The following CACNA1B variants were observed in gnomAD, a reference collection of about 807,000 sequenced individuals.
CACNA1B encodes the protein calcium voltage-gated channel subunit alpha1 B, also known as voltage-dependent N-type calcium channel subunit alpha-1B.
CACNA1B carries 70 observed loss-of-function variants against 247.2 expected under a neutral mutation model. The ratio of observed to expected loss-of-function variants is 0.28; its 90% CI spans 0.23 to 0.35. CACNA1B has a LOEUF of 0.35. CACNA1B is among the 10% of genes least tolerant of loss of function. The pLI is 1.00. For synonymous variants in CACNA1B, 1,231 were observed against 1,294.4 expected (o/e 0.95, Z 1.05); for missense variants, 2,367 against 3,197.4 (o/e 0.74, Z 6.26).
chr9:137,966,624 T>C (rs1958079796), intron 10 of CACNA1B, among the ~76,000 whole-genome samples: 2 of 151,924 alleles, frequency 1.3e-5, no homozygotes, highest in Admixed American at 1.3e-4. Context: ...CTGCAACCTC[T>C]GCCTCCTGGG....
At chr9:137,931,483 C>T (rs1041201883) in intron 6 of CACNA1B, among the ~76,000 whole-genome samples, 8 of 151,988 alleles carry the variant, frequency 5.3e-5, no homozygotes, top group African/African-American at 1.9e-4. Flanking sequence ...GTGGAGTTTT[C>T]CTTTTGATTT....
chr9:137,957,516 G>A lies in CACNA1B; in HGVS notation c.1244-82G>A. 1 of 996,658 alleles carries A rather than the reference G, an allele frequency of 1.0e-6. No individual in the cohort carries two copies. The highest frequency in any genetic ancestry group is 1.5e-6 in the Non-Finnish European group (1 of 686,178). 61.7% of individuals were successfully genotyped at this position (996,658 alleles called of 1,614,324 possible). On this transcript the variant is annotated intron_variant, in intron 9 of 46. Coordinates refer to ENST00000371372, the MANE Select transcript of CACNA1B (RefSeq NM_000718.4). The surrounding 1 kb of genome is among the most constrained non-coding windows in gnomAD (Gnocchi z 4.7). ...CAGGAGAGGTCACTGGTCCCAGGGG[G>A]AGGGTGATCCCATGCCCCGCTGAGG...
At chr9:138,120,575 G>A (rs961061972) in intron 45 of CACNA1B, 56 bp from the exon 46 acceptor site, 11 of 1,460,962 alleles carry the variant, frequency 7.5e-6, no homozygotes, top group African/African-American at 5.7e-5. Context: ...GGGCCCGGGG[G>A]TCAGGGGTCC....
chr9:138,053,769 C>T, intron 25 of CACNA1B, 77 bp from the exon 26 acceptor site: 1 of 1,158,374 alleles, frequency 8.6e-7, no homozygotes, highest in Admixed American at 1.8e-5. Context: ...CCCCGTGACC[C>T]TACCCTTCCC....
intron 6 of CACNA1B, among the ~76,000 whole-genome samples, chr9:137,934,902 A>G (rs1043331169): frequency 5.9e-5 from 9 of 152,192 alleles, no homozygotes; most frequent in Admixed American, 2.0e-4. Flanking sequence ...CAACTCTGAC[A>G]ATATGACAAA....
Position 137,899,843 on chromosome 9 carries a change from C to T in CACNA1B, c.531-13337C>T, listed in dbSNP as rs777637166. On this transcript the variant is annotated intron_variant, in intron 3 of 46. Transcript: ENST00000371372. The surrounding 1 kb of genome is among the most constrained non-coding windows in gnomAD (Gnocchi z 5.0). ...CCACCTGCCCCGGCCCAGGGACCCC[C>T]GCACCTGTGCAGGATTTGTGGTCTC... Among the ~76,000 whole-genome samples, 1 of 152,170 alleles carries T rather than the reference C, an allele frequency of 6.6e-6. No homozygotes were observed. Among genetic ancestry groups the T allele is most frequent in the African/African-American group, 2.4e-5 (1 of 41,440 alleles).
chr9:138,065,111 A>T (rs1959869707), intron 31 of CACNA1B, among the ~76,000 whole-genome samples: 1 of 152,180 alleles, frequency 6.6e-6, no homozygotes, highest in Admixed American at 6.5e-5. Context: ...CACCTGCTTC[A>T]GGTGCCCTCG....
chr9:138,028,911 T>A (rs1244255799), intron 20 of CACNA1B, among the ~76,000 whole-genome samples: 3 of 152,166 alleles, frequency 2.0e-5, no homozygotes, highest in Non-Finnish European at 2.9e-5. Context: ...GGACCTCTAT[T>A]CAGCATATGG....
intron 7 of CACNA1B, among the ~76,000 whole-genome samples, chr9:137,953,989 G>T (rs1349170253): frequency 6.6e-6 from 1 of 152,178 alleles, no homozygotes; most frequent in Non-Finnish European, 1.5e-5. Context: ...GCTTCCTTCT[G>T]CATCCCTCTA....
chr9:138,056,574 A>G (rs952579213), intron 26 of CACNA1B, among the ~76,000 whole-genome samples: 2 of 152,124 alleles, frequency 1.3e-5, no homozygotes, highest in Admixed American at 1.3e-4. Flanking sequence ...TTTGCTTCTC[A>G]TGGGTGTGTA....
chr9:138,078,175 G>A lies in CACNA1B; in HGVS notation c.5011G>A (p.Asp1671Asn), dbSNP rs1204056002. 1 of 1,613,668 alleles carries A rather than the reference G, an allele frequency of 6.2e-7. No homozygotes were observed. The highest frequency in any genetic ancestry group is 8.5e-7 in the Non-Finnish European group (1 of 1,179,592). Reference sequence around the variant, plus strand: ...GTCCTGCCTGAGCAACCAGGCCTGTGATGAGCAGGCCAATGCCACCGAGTG... The same window carrying A: ...GTCCTGCCTGAGCAACCAGGCCTGTAATGAGCAGGCCAATGCCACCGAGTG... Reference protein sequence around the residue: ...MLSCLSNQACDEQANATECGS... With the variant: ...MLSCLSNQACNEQANATECGS... The change falls in exon 36 of 47, where the codon GAT (aspartate) becomes AAT (asparagine). Residue 1671 changes from aspartate to asparagine, a missense_variant. Transcript: ENST00000371372.
At chr9:138,111,104 A>G (rs988578434) in intron 39 of CACNA1B, among the ~76,000 whole-genome samples, 3 of 152,222 alleles carry the variant, frequency 2.0e-5, no homozygotes, top group African/African-American at 7.2e-5. Context: ...CCCAGTCGGA[A>G]AAGAAAATGG....
chr9:137,906,101 TTG>T (rs1400317070), intron 3 of CACNA1B, among the ~76,000 whole-genome samples: 1 of 152,222 alleles, frequency 6.6e-6, no homozygotes. Flanking sequence ...GGAGCGGATT[TTG>T]TGTTTTTATG....
At chr9:138,049,649 G>A (rs928477832) in intron 24 of CACNA1B, among the ~76,000 whole-genome samples, 1 of 152,182 alleles carries the variant, frequency 6.6e-6, no homozygotes, top group African/African-American at 2.4e-5. Flanking sequence ...ACAGCCTCTG[G>A]TGTGTCCAGC....
Position 138,010,518 on chromosome 9 carries a change from G to A in CACNA1B, c.2160+441G>A, listed in dbSNP as rs181173456. On this transcript the variant is annotated intron_variant, in intron 17 of 46. Transcript: ENST00000371372. This position sits in a 1 kb window ranked among gnomAD's most constrained non-coding sequence, Gnocchi z 5.3. ...ATGTCTCCCTCTGTGATATCCCTCC[G>A]GATGACACAGTCCCCTCCTGGTCAT... Among the ~76,000 whole-genome samples the A allele has an allele frequency of 1.6e-4, 24 of 152,250 alleles. No individual in the cohort carries two copies. Among genetic ancestry groups the A allele is most frequent in the Non-Finnish European group, 2.9e-4 (20 of 67,998 alleles).
At chr9:138,006,014 G>T (rs1008291816) in intron 15 of CACNA1B, among the ~76,000 whole-genome samples, 1 of 138,096 alleles carries the variant, frequency 7.2e-6, no homozygotes, top group African/African-American at 2.9e-5. Context: ...CTGCACTCCA[G>T]CCTGGATGAC....
intron 3 of CACNA1B, among the ~76,000 whole-genome samples, chr9:137,886,611 T>C (rs1475247121): frequency 5.3e-5 from 8 of 151,086 alleles, no homozygotes; most frequent in African/African-American, 1.7e-4. Flanking sequence ...ACAAGACACC[T>C]CCCGGGCCTG....
rs764589982 is a variant in CACNA1B at position 138,121,948 on chromosome 9, T to G, written c.6969T>G (p.Gly2323=). The G allele has an allele frequency of 6.2e-7, 1 of 1,605,616 alleles. No individual in the cohort carries two copies. Among genetic ancestry groups the G allele is most frequent in the Non-Finnish European group, 8.5e-7 (1 of 1,179,822 alleles). ...ACTGCACCCTGGGACTCAGCTCGGGTGGCCGAGCACGGCACAGCTACCACC... is the reference window on the plus strand; with the variant it reads ...ACTGCACCCTGGGACTCAGCTCGGGGGGCCGAGCACGGCACAGCTACCACC... ...GYHCTLGLSS[G]GRARHSYHHP... Residue 2323 remains glycine (G), a synonymous_variant, in exon 47 of 47, where the codon GGT becomes GGG. Coordinates refer to ENST00000371372, the MANE Select transcript of CACNA1B (RefSeq NM_000718.4). The surrounding 1 kb of genome is among the most constrained non-coding windows in gnomAD (Gnocchi z 6.8).
At chr9:138,028,023 CTTTTTTTTTTTTT>C (rs541594878) in intron 20 of CACNA1B, among the ~76,000 whole-genome samples, 123 of 98,768 alleles carry the variant, frequency 1.2e-3, no homozygotes, top group South Asian at 2.2e-3. Flanking sequence ...CCCCCCCAAC[CTTTTTTTTTTTTT>C]TTTTTTTTTT....
Sources: gnomAD v4.1 joint callset for allele counts (sites outside exome capture counted in the v4.1 genomes callset) on GRCh38, gnomAD v4.1.1 for gene constraint, Gnocchi (gnomAD v3.1) non-coding constraint, MANE v1.5 for transcripts, NCBI Gene and HGNC (gene_info 2026-07-23, HGNC 2026-07-21) for gene names.